Variants in CCDC73 observed in about 807,000 individuals in gnomAD.
The protein encoded by CCDC73 is coiled-coil domain-containing protein 73.
Under a neutral mutation model 116.5 loss-of-function variants are expected in CCDC73, and 95 were observed. The ratio of observed to expected loss-of-function variants is 0.82; its 90% CI spans 0.69 to 0.97. The LOEUF is 0.97. CCDC73 is among the 50% of genes least tolerant of loss of function. The probability of loss-of-function intolerance (pLI) is 0.00; values close to 1 mark genes in which losing one functional copy is unlikely to be tolerated. For synonymous variants in CCDC73, 398 were observed against 401.3 expected, an observed-to-expected ratio of 0.99 and a Z score of 0.10; for missense variants, 1,066 against 1,206.8, an observed-to-expected ratio of 0.88 and a Z score of 1.73.
At position 32,602,933 on chromosome 11, in the gene CCDC73, A is replaced by G. The variant is rs1294467053; in HGVS notation, c.3118T>C (p.Trp1040Arg). The change falls in exon 18 of 18, where the codon TGG becomes CGG. Residue 1040 changes from tryptophan to arginine, a missense_variant. Physicochemically the swap from Trp to Arg is moderately radical, Grantham distance 101 (BLOSUM62 -3). Transcript: ENST00000335185. ...TTKNTSGDDD[W>R]QSLITNQLNK... The stretch of plus-strand genomic sequence containing the variant: ...AGTTGATTCGTAATGAGGCTCTGCC[A>G]GTCATCATCACCAGAAGTATTTTTA... 6.2e-6 allele frequency: 10 copies of G among 1,613,380 alleles called. No individual in the cohort carries two copies. The highest frequency in any genetic ancestry group is 1.6e-4 in the Middle Eastern group (1 of 6,078).
At chr11:32,771,408 A>C (rs1265384143) in intron 1 of CCDC73, among the ~76,000 whole-genome samples, 8 of 152,184 alleles carry the variant, frequency 5.3e-5, no homozygotes. Context: ...ATCAAGAAAC[A>C]TCCCATGCCC....
At chr11:32,606,875 A>G (rs1159359436) in intron 17 of CCDC73, among the ~76,000 whole-genome samples, 1 of 144,056 alleles carries the variant, frequency 6.9e-6, no homozygotes, top group Non-Finnish European at 1.5e-5. Flanking sequence ...CAGTGGCACA[A>G]TCGGCTCACT....
chr11:32,616,716 G>A (rs769307754), intron 14 of CCDC73, among the ~76,000 whole-genome samples: 13 of 152,122 alleles, frequency 8.5e-5, no homozygotes, highest in Non-Finnish European at 8.8e-5. Flanking sequence ...TATATATTGA[G>A]CACATGTTAC....
chr11:32,748,866 A>G (rs1850263239), intron 2 of CCDC73, among the ~76,000 whole-genome samples: 1 of 152,092 alleles, frequency 6.6e-6, no homozygotes, highest in Admixed American at 6.5e-5. Flanking sequence ...AGCACCATAA[A>G]TATGTCCTGG....
At chr11:32,654,440 C>T (rs415661) in intron 10 of CCDC73, among the ~76,000 whole-genome samples, 37,466 of 152,182 alleles carry the variant, frequency 0.25, 4,755 homozygotes, top group Middle Eastern at 0.28. Flanking sequence ...TCCTAAAGTG[C>T]TGGGATTACA....
chr11:32,795,504 A>G (rs2133412585), upstream of CCDC73, among the ~76,000 whole-genome samples: 1 of 147,442 alleles, frequency 6.8e-6, no homozygotes, highest in East Asian at 1.9e-4. Flanking sequence ...CTTAATTTTT[A>G]AAGTGAAATA....
Position 32,766,720 on chromosome 11 carries a change from A to G in CCDC73, c.-15-6462T>C, listed in dbSNP as rs535953114. ...AATCATGAGTGAACTCCCATTCACA[A>G]TTGCTTCAAAGAGAATAAAATACCT... On this transcript the variant is annotated intron_variant, in intron 1 of 17. Coordinates refer to ENST00000335185, the MANE Select transcript of CCDC73 (RefSeq NM_001008391.4). 4.6e-5 allele frequency among the ~76,000 whole-genome samples: 7 copies of G among 152,350 alleles called. No individual in the cohort carries two copies. The South Asian group carries it at 1.4e-3, about 32-fold the overall frequency.
At chr11:32,691,317 A>T (rs1326077438) in intron 6 of CCDC73, among the ~76,000 whole-genome samples, 1 of 152,126 alleles carries the variant, frequency 6.6e-6, no homozygotes, top group Non-Finnish European at 1.5e-5. Context: ...AAGTGCTGAG[A>T]TTACAGGTGT....
chr11:32,757,256 A>G (rs1478298189), intron 2 of CCDC73, among the ~76,000 whole-genome samples: 1 of 152,134 alleles, frequency 6.6e-6, no homozygotes, highest in Non-Finnish European at 1.5e-5. Context: ...TCTTTAGTGA[A>G]AAAAATTAGA....
At chr11:32,626,276 G>C (rs895138263) in intron 14 of CCDC73, among the ~76,000 whole-genome samples, 2 of 152,024 alleles carry the variant, frequency 1.3e-5, no homozygotes, top group African/African-American at 4.8e-5. Context: ...CAAGGGACGT[G>C]AAGGACCTCT....
chr11:32,631,643 A>AAAGGAAAGG (rs984950420), intron 14 of CCDC73, among the ~76,000 whole-genome samples: 3 of 151,676 alleles, frequency 2.0e-5, no homozygotes, highest in African/African-American at 4.8e-5. Flanking sequence ...AAAGGAAAGG[A>AAAGGAAAGG]AAGGAAAGGA....
At chr11:32,668,774 T>C (rs1856010509) in intron 9 of CCDC73, among the ~76,000 whole-genome samples, 1 of 152,210 alleles carries the variant, frequency 6.6e-6, no homozygotes, top group East Asian at 1.9e-4. Flanking sequence ...AACAGACAAG[T>C]GCAGTTTTAT....
the CCDC73 span, chr11:32,830,255 C>T: frequency 2.4e-5 from 25 of 1,036,618 alleles, no homozygotes; most frequent in Admixed American, 4.2e-5. Context: ...TGGATTCGAA[C>T]ACATAGCGAG....
intron 3 of CCDC73, among the ~76,000 whole-genome samples, chr11:32,710,315 C>T (rs368811878): frequency 2.6e-5 from 4 of 152,140 alleles, no homozygotes; most frequent in African/African-American, 9.6e-5. Flanking sequence ...TTGATACAGG[C>T]ATTTAATGCT....
intron 3 of CCDC73, among the ~76,000 whole-genome samples, chr11:32,707,240 G>A (rs1001507306): frequency 2.6e-5 from 4 of 152,084 alleles, no homozygotes; most frequent in African/African-American, 9.7e-5. Flanking sequence ...TTTAAACACT[G>A]TTGTTTCCCA....
intron 5 of CCDC73, among the ~76,000 whole-genome samples, chr11:32,699,907 G>T (rs1313227420): frequency 1.4e-5 from 2 of 147,578 alleles, no homozygotes; most frequent in Admixed American, 6.8e-5. Context: ...TATATAAAAA[G>T]AACCAAAATC....
intron 1 of CCDC73, among the ~76,000 whole-genome samples, chr11:32,773,318 G>T (rs1399567434): frequency 6.6e-6 from 1 of 152,092 alleles, no homozygotes; most frequent in East Asian, 1.9e-4. Context: ...TGAGTATGGG[G>T]TTTCTTTTTG....
chr11:32,777,099 C>CTTTT (rs759122829), intron 1 of CCDC73, among the ~76,000 whole-genome samples: 1 of 106,828 alleles, frequency 9.4e-6, no homozygotes, highest in Non-Finnish European at 1.9e-5. Flanking sequence ...TTTTTTCTTT[C>CTTTT]TTTTTTTTTT....
At chr11:32,607,293 C>T (rs1321698150) in intron 17 of CCDC73, among the ~76,000 whole-genome samples, 1 of 150,268 alleles carries the variant, frequency 6.7e-6, no homozygotes, top group East Asian at 2.0e-4. Context: ...GGGGTTTCAC[C>T]GTTTTAGCCG....
Sources: allele counts gnomAD v4.1 joint callset (sites outside exome capture counted in the v4.1 genomes callset), GRCh38; gene constraint gnomAD v4.1.1; transcripts MANE v1.5; gene names NCBI Gene and HGNC (gene_info 2026-07-23, HGNC 2026-07-21).